Variants in NCAM1 observed in about 807,000 individuals in gnomAD.
NCAM1 encodes the protein antigen recognized by monoclonal antibody 5.1H11.
Under a neutral mutation model 109.8 loss-of-function variants are expected in NCAM1, and 14 were observed. The observed-to-expected ratio is 0.13, with a 90% CI of 0.08 to 0.20. The LOEUF is 0.20. Ranked by LOEUF, NCAM1 falls within the 10% of genes least tolerant of loss-of-function variation. NCAM1 has a pLI of 1.00. For missense variants in NCAM1, 774 were observed against 1,109.9 expected (o/e 0.70, Z 4.30); for synonymous variants, 418 against 442.9 (o/e 0.94, Z 0.70).
In NCAM1 at chr11:113,255,888, G is replaced by A. The variant is rs370134065; in HGVS notation, c.1840G>A (p.Ala614Thr). ...KTQPVQGEPS[A>T]PKLEGQMGED... ...ACTGGCTGTTTCAGGGGAACCCAGT[G>A]CACCTAAGCTCGAAGGGCAGATGGG... The change falls in exon 16 of 20, where the codon GCA (alanine) becomes ACA (threonine). Residue 614 changes from alanine to threonine, a missense_variant. Physicochemically the swap from Ala to Thr is moderately conservative, Grantham distance 58. This residue lies in a region of NCAM1 where 523 missense variants were observed against 784.2 expected (regional missense o/e 0.67). Coordinates refer to ENST00000316851, the MANE Select transcript of NCAM1 (RefSeq NM_181351.5). 1.7e-5 allele frequency: 27 copies of A among 1,612,594 alleles called. No individual in the cohort carries two copies. Among genetic ancestry groups the A allele is most frequent in the Non-Finnish European group, 2.1e-5 (25 of 1,179,514 alleles).
rs933431473 is a variant in NCAM1 at position 113,231,471 on chromosome 11, C to T, written c.1090-174C>T. On this transcript the variant is annotated intron_variant, in intron 9 of 19. Transcript: ENST00000316851. Reference sequence around the variant, plus strand: ...TCTCATGCTGCTTCCCAGTGCCTCCCCCATTAGATGGTACCTAAAGTAAGA... The same window carrying T: ...TCTCATGCTGCTTCCCAGTGCCTCCTCCATTAGATGGTACCTAAAGTAAGA... 3.5e-6 allele frequency: 3 copies of T among 864,554 alleles called. No individual in the cohort carries two copies. In the East Asian group the frequency reaches 8.0e-5, roughly 23 times the overall value. 53.6% of individuals were successfully genotyped at this position (864,554 alleles called of 1,614,324 possible). A position where few individuals can be genotyped will look rare whatever the true frequency, so the allele number is the denominator to read the frequency against.
intron 1 of NCAM1, among the ~76,000 whole-genome samples, chr11:113,175,972 A>G (rs1943132447): frequency 6.6e-6 from 1 of 152,224 alleles, no homozygotes; most frequent in African/African-American, 2.4e-5. Context: ...GTATGAAATC[A>G]TCGCATGTAC....
chr11:112,971,566 G>T (rs181883074), intron 1 of NCAM1, among the ~76,000 whole-genome samples: 2 of 152,042 alleles, frequency 1.3e-5, no homozygotes, highest in African/African-American at 4.8e-5. Flanking sequence ...TTTTGAAATG[G>T]TATCTCACTG....
chr11:113,268,314 C>T (rs782753725), intron 17 of NCAM1, among the ~76,000 whole-genome samples: 1 of 152,224 alleles, frequency 6.6e-6, no homozygotes, highest in Non-Finnish European at 1.5e-5. Context: ...GGCCAGCTTC[C>T]TGCTGCCAAA....
chr11:113,190,068 A>G (rs1943632413), intron 1 of NCAM1, among the ~76,000 whole-genome samples: 1 of 152,202 alleles, frequency 6.6e-6, no homozygotes, highest in Middle Eastern at 3.4e-3. Flanking sequence ...CACTACTCCT[A>G]CCAGTGAACC....
intron 1 of NCAM1, among the ~76,000 whole-genome samples, chr11:113,065,550 C>G (rs577328643): frequency 1.1e-4 from 16 of 152,286 alleles, no homozygotes; most frequent in African/African-American, 3.4e-4. Context: ...ATGAAAATGG[C>G]ACTTTACATG....
chr11:113,219,869 A>G (rs1340424840), intron 8 of NCAM1, among the ~76,000 whole-genome samples: 5 of 152,234 alleles, frequency 3.3e-5, no homozygotes, highest in African/African-American at 1.2e-4. Flanking sequence ...GCCCACCGTT[A>G]CTTTGGTCTC....
intron 1 of NCAM1, among the ~76,000 whole-genome samples, chr11:113,017,509 C>T (rs554680613): frequency 3.9e-5 from 6 of 152,100 alleles, no homozygotes; most frequent in African/African-American, 1.2e-4. Flanking sequence ...GCAAGTAATT[C>T]CCAGGGCTGT....
At chr11:112,988,390 A>T (rs1951366056) in intron 1 of NCAM1, among the ~76,000 whole-genome samples, 1 of 152,084 alleles carries the variant, frequency 6.6e-6, no homozygotes, top group Non-Finnish European at 1.5e-5. Flanking sequence ...TTTTACTTTT[A>T]TATATATTTA....
intron 1 of NCAM1, among the ~76,000 whole-genome samples, chr11:113,028,862 G>GT (rs1282371031): frequency 1.2e-3 from 185 of 152,140 alleles, no homozygotes; most frequent in African/African-American, 4.2e-3. Context: ...AGCATGTCTA[G>GT]TTTTTTTAGC....
chr11:113,208,468 C>T (rs1320216352), intron 7 of NCAM1, among the ~76,000 whole-genome samples: 2 of 152,056 alleles, frequency 1.3e-5, no homozygotes, highest in African/African-American at 4.8e-5. Flanking sequence ...ACATACCAAG[C>T]TTGTTCTTCA....
rs576923594 is a variant in NCAM1, at chr11:113,260,098, A to G, written c.1954-48A>G. On this transcript the variant is annotated intron_variant, in intron 16 of 19. Transcript: ENST00000316851. ...TCTGGTCTTACCAGTACTTTTATCT[A>G]AAGCTTTTTTGGTCTCTTGTATCCT... The G allele has an allele frequency of 4.6e-6, 7 of 1,537,166 alleles. No homozygotes were observed. The South Asian group carries it at 6.4e-5, about 14-fold the overall frequency.
chr11:113,025,778 CG>C (rs1952522474), intron 1 of NCAM1, among the ~76,000 whole-genome samples: 3 of 118,812 alleles, frequency 2.5e-5, no homozygotes, highest in African/African-American at 1.0e-4. Flanking sequence ...CACAGGGAGC[CG>C]AGAGAGAGAG....
intron 1 of NCAM1, among the ~76,000 whole-genome samples, chr11:113,173,115 C>A (rs1943042286): frequency 1.3e-5 from 2 of 152,244 alleles, no homozygotes; most frequent in South Asian, 4.2e-4. Flanking sequence ...ACAATGCCTG[C>A]ACAACTGCCG....
intron 1 of NCAM1, among the ~76,000 whole-genome samples, chr11:112,988,838 C>G (rs1288417959): frequency 1.3e-5 from 2 of 150,588 alleles, no homozygotes; most frequent in East Asian, 3.9e-4. Context: ...AACTCTGTCT[C>G]TTAGGTTCAA....
At chr11:113,243,667 C>A in intron 14 of NCAM1, 1 of 503,320 alleles carries the variant, frequency 2.0e-6, no homozygotes, top group Non-Finnish European at 4.0e-6. Flanking sequence ...TATGAGTATG[C>A]GTGCATGTTC....
chr11:112,985,459 T>C (rs564289959), intron 1 of NCAM1, among the ~76,000 whole-genome samples: 9 of 151,980 alleles, frequency 5.9e-5, no homozygotes, highest in Non-Finnish European at 1.3e-4. Context: ...AGTGATTGCA[T>C]TGAATCTGTA....
intron 8 of NCAM1, among the ~76,000 whole-genome samples, chr11:113,218,603 C>T (rs1320346460): frequency 5.3e-5 from 8 of 152,094 alleles, no homozygotes; most frequent in Non-Finnish European, 1.0e-4. Context: ...GTACAATGAG[C>T]GTGAATGTCA....
At chr11:113,060,535 T>G (rs1591291842) in intron 1 of NCAM1, among the ~76,000 whole-genome samples, 1 of 152,204 alleles carries the variant, frequency 6.6e-6, no homozygotes, top group African/African-American at 2.4e-5. Context: ...GAAGTTGGTT[T>G]AGAAAGATTG....
Sources: gnomAD v4.1 joint callset for allele counts (sites outside exome capture counted in the v4.1 genomes callset) on GRCh38, gnomAD v4.1.1 for gene constraint, gnomAD v4.1.1 regional missense constraint, MANE v1.5 for transcripts, NCBI Gene and HGNC (gene_info 2026-07-23, HGNC 2026-07-21) for gene names.